The following CCSER1 variants were observed in gnomAD, a reference collection of about 807,000 sequenced individuals.
CCSER1 encodes the protein serine-rich coiled-coil domain-containing protein 1.
In CCSER1, 41 loss-of-function variants were observed where a neutral mutation model predicts 82.0. That is an observed-to-expected ratio of 0.50 (90% confidence interval 0.39 to 0.65). The LOEUF (loss-of-function observed/expected upper bound fraction) is 0.65. Ranked by LOEUF, CCSER1 falls within the 30% of genes least tolerant of loss-of-function variation. CCSER1 has a pLI of 0.00. For synonymous variants in CCSER1, 414 were observed against 383.9 expected (o/e 1.08, Z -0.92); for missense variants, 1,119 against 1,064.2 (o/e 1.05, Z -0.72).
intron 9 of CCSER1, among the ~76,000 whole-genome samples, chr4:90,998,359 C>T (rs1331019916): frequency 6.6e-6 from 1 of 152,116 alleles, no homozygotes; most frequent in African/African-American, 2.4e-5. Flanking sequence ...GGATTACAGG[C>T]GTGAGCCACT....
chr4:90,402,841 T>A (rs920634512), intron 4 of CCSER1, among the ~76,000 whole-genome samples: 1 of 152,172 alleles, frequency 6.6e-6, no homozygotes, highest in African/African-American at 2.4e-5. Context: ...TTATTTTAAA[T>A]AAAAATGAAA....
intron 1 of CCSER1, among the ~76,000 whole-genome samples, chr4:90,252,424 A>G (rs777427591): frequency 3.3e-5 from 5 of 151,712 alleles, no homozygotes; most frequent in Non-Finnish European, 5.9e-5. Context: ...TTCTTTTTTA[A>G]CACATTGGTA....
chr4:91,128,687 A>T (rs760502187), intron 10 of CCSER1, among the ~76,000 whole-genome samples: 3 of 152,092 alleles, frequency 2.0e-5, no homozygotes, highest in Non-Finnish European at 4.4e-5. Context: ...CTCAGGTTAC[A>T]ATACAGAAGA....
At chr4:90,549,996 T>C (rs1777254814) in intron 5 of CCSER1, among the ~76,000 whole-genome samples, 1 of 151,860 alleles carries the variant, frequency 6.6e-6, no homozygotes. Context: ...ACTAAGATTA[T>C]TGTGGTGACA....
At chr4:91,135,243 A>G (rs1294015345) in intron 10 of CCSER1, among the ~76,000 whole-genome samples, 1 of 152,168 alleles carries the variant, frequency 6.6e-6, no homozygotes, top group Non-Finnish European at 1.5e-5. Flanking sequence ...AATTGTAAAG[A>G]AATATTAGAT....
intron 5 of CCSER1, among the ~76,000 whole-genome samples, chr4:90,598,377 T>C (rs1210935360): frequency 6.6e-6 from 1 of 152,196 alleles, no homozygotes; most frequent in Non-Finnish European, 1.5e-5. Context: ...CATTAACTTG[T>C]CATTTAACAT....
At chr4:90,990,874 A>G (rs983274373) in intron 9 of CCSER1, among the ~76,000 whole-genome samples, 6 of 151,978 alleles carry the variant, frequency 3.9e-5, no homozygotes, top group African/African-American at 1.4e-4. Context: ...GTCTGAGACT[A>G]GGAAGTGGCA....
chr4:90,598,341 C>T (rs1783603716), intron 5 of CCSER1, among the ~76,000 whole-genome samples: 2 of 152,020 alleles, frequency 1.3e-5, no homozygotes, highest in African/African-American at 4.8e-5. Context: ...CGTATGTATA[C>T]ATGTGCCATG....
intron 8 of CCSER1, among the ~76,000 whole-genome samples, chr4:90,851,912 T>C (rs1763938715): frequency 6.6e-6 from 1 of 152,200 alleles, no homozygotes; most frequent in African/African-American, 2.4e-5. Context: ...ACTTTCTTTC[T>C]TCAAAATATT....
At chr4:90,400,448 A>G (rs1752662585) in intron 4 of CCSER1, among the ~76,000 whole-genome samples, 1 of 152,202 alleles carries the variant, frequency 6.6e-6, no homozygotes, top group Admixed American at 6.5e-5. Context: ...TTTGTGGAAG[A>G]AAGCAATAAT....
intron 10 of CCSER1, among the ~76,000 whole-genome samples, chr4:91,189,765 ATAGGT>A (rs1734850796): frequency 1.3e-5 from 2 of 152,090 alleles, no homozygotes; most frequent in Non-Finnish European, 2.9e-5. Context: ...CTTACCATTT[ATAGGT>A]ATATGGATTT....
intron 1 of CCSER1, among the ~76,000 whole-genome samples, chr4:90,226,641 G>C (rs1412226467): frequency 3.3e-5 from 5 of 152,242 alleles, no homozygotes; most frequent in Non-Finnish European, 7.3e-5. Context: ...TAACTTCAGT[G>C]TGATGAAGCT....
chr4:91,393,646 C>A (rs1389429226), intron 10 of CCSER1, among the ~76,000 whole-genome samples: 2 of 151,978 alleles, frequency 1.3e-5, no homozygotes, highest in African/African-American at 4.8e-5. Flanking sequence ...CACCTGAGTG[C>A]TATTCAGCTT....
intron 6 of CCSER1, among the ~76,000 whole-genome samples, chr4:90,706,176 G>A (rs574881107): frequency 3.3e-5 from 5 of 152,228 alleles, no homozygotes; most frequent in South Asian, 2.1e-4. Context: ...ATAAATTTCC[G>A]TTGTTTAAAA....
chr4:91,401,373 T>C (rs903598103), intron 10 of CCSER1, among the ~76,000 whole-genome samples: 28 of 148,280 alleles, frequency 1.9e-4, no homozygotes, highest in Admixed American at 1.8e-3. Context: ...ATATTATATA[T>C]AATATAACAT....
chr4:91,377,107 C>G (rs1450185098), intron 10 of CCSER1, among the ~76,000 whole-genome samples: 5 of 152,106 alleles, frequency 3.3e-5, no homozygotes, highest in Non-Finnish European at 5.9e-5. Context: ...GCATAGTATT[C>G]CATGGTATAT....
chr4:90,744,900 T>C (rs1205358475), intron 7 of CCSER1, among the ~76,000 whole-genome samples: 2 of 152,070 alleles, frequency 1.3e-5, no homozygotes, highest in Non-Finnish European at 2.9e-5. Flanking sequence ...CCAAAAAGGT[T>C]GGACTAGTGA....
chr4:90,720,812 G>A (rs1208101206), intron 6 of CCSER1, among the ~76,000 whole-genome samples: 2 of 151,820 alleles, frequency 1.3e-5, no homozygotes, highest in African/African-American at 4.8e-5. Context: ...AAATATAATA[G>A]TAGCAGTTAT....
intron 5 of CCSER1, among the ~76,000 whole-genome samples, chr4:90,543,466 C>T (rs1488122074): frequency 6.6e-6 from 1 of 152,108 alleles, no homozygotes; most frequent in African/African-American, 2.4e-5. Context: ...AATTTAGCAA[C>T]CAATGAAAAT....
Sources: allele counts gnomAD v4.1 joint callset (sites outside exome capture counted in the v4.1 genomes callset), GRCh38; gene constraint gnomAD v4.1.1; transcripts MANE v1.5; gene names NCBI Gene and HGNC (gene_info 2026-07-23, HGNC 2026-07-21).